FAM107B: variants seen among roughly 807,000 people sequenced by gnomAD.
FAM107B encodes family with sequence similarity 107 member B, also known as protein FAM107B.
In FAM107B, 21 loss-of-function variants were observed where a neutral mutation model predicts 31.5. That is an observed-to-expected ratio of 0.67 (90% CI 0.47 to 0.96). The LOEUF is 0.96. Among genes scored for constraint, FAM107B ranks in the 40% least tolerant of loss-of-function variants. The pLI, the probability that FAM107B is intolerant of heterozygous loss-of-function variation, is 0.00. For missense variants in FAM107B, 452 were observed against 377.1 expected, an observed-to-expected ratio of 1.20 and a Z score of -1.64; for synonymous variants, 157 against 141.5, an observed-to-expected ratio of 1.11 and a Z score of -0.78.
chr10:14,731,315 A>G (rs1856167350), intron 1 of FAM107B, among the ~76,000 whole-genome samples: 1 of 152,204 alleles, frequency 6.6e-6, no homozygotes. Context: ...TAATCCCAGC[A>G]GTATGGGGGG....
intron 2 of FAM107B, among the ~76,000 whole-genome samples, chr10:14,658,175 A>T (rs563135837): frequency 6.6e-6 from 1 of 152,188 alleles, no homozygotes; most frequent in East Asian, 1.9e-4. Flanking sequence ...TGAAATAGAG[A>T]CAAAATGTTG....
chr10:14,734,801 G>C (rs1856260274), intron 1 of FAM107B, among the ~76,000 whole-genome samples: 1 of 152,132 alleles, frequency 6.6e-6, no homozygotes, highest in Non-Finnish European at 1.5e-5. Flanking sequence ...CTGGAGTGCA[G>C]TGGCGCGATC....
chr10:14,729,723 A>G (rs111795910), intron 1 of FAM107B, among the ~76,000 whole-genome samples: 5 of 152,356 alleles, frequency 3.3e-5, no homozygotes, highest in African/African-American at 9.6e-5. Context: ...ATTCTACTAT[A>G]AAGACACATA....
chr10:14,581,276 T>A (rs1230939687), intron 2 of FAM107B, among the ~76,000 whole-genome samples: 1 of 152,104 alleles, frequency 6.6e-6, no homozygotes, highest in Non-Finnish European at 1.5e-5. Flanking sequence ...CTGACAGGGA[T>A]CTGGAGAAAC....
At chr10:14,682,870 C>T (rs964710675) in intron 1 of FAM107B, among the ~76,000 whole-genome samples, 8 of 151,386 alleles carry the variant, frequency 5.3e-5, no homozygotes, top group African/African-American at 9.7e-5. Context: ...TGCACATGTA[C>T]CCCATAACTT....
At chr10:14,606,667 C>G (rs1472836522) in intron 2 of FAM107B, among the ~76,000 whole-genome samples, 1 of 152,030 alleles carries the variant, frequency 6.6e-6, no homozygotes, top group Non-Finnish European at 1.5e-5. Flanking sequence ...GGCAGAGACA[C>G]CAGATCCCTC....
At chr10:14,576,299 C>T (rs1355053066) in intron 2 of FAM107B, among the ~76,000 whole-genome samples, 1 of 152,106 alleles carries the variant, frequency 6.6e-6, no homozygotes, top group African/African-American at 2.4e-5. Flanking sequence ...GAGGCCGAGG[C>T]GGGTGGATCA....
chr10:14,549,552 C>A (rs1428703218), intron 2 of FAM107B, among the ~76,000 whole-genome samples: 1 of 152,194 alleles, frequency 6.6e-6, no homozygotes, highest in Non-Finnish European at 1.5e-5. Flanking sequence ...GTAAACTACA[C>A]TGCCTCTGAA....
chr10:14,541,023 T>G (rs1848137708), intron 2 of FAM107B, among the ~76,000 whole-genome samples: 1 of 152,162 alleles, frequency 6.6e-6, no homozygotes, highest in Non-Finnish European at 1.5e-5. Context: ...TCCCTCGCAG[T>G]CTTCCCTTAA....
intron 1 of FAM107B, among the ~76,000 whole-genome samples, chr10:14,750,849 C>T (rs546770510): frequency 2.0e-5 from 3 of 152,198 alleles, no homozygotes; most frequent in Admixed American, 6.5e-5. Flanking sequence ...CCAAGGGTGG[C>T]TTCTTGGAGA....
At chr10:14,655,459 G>A (rs182139160) in intron 2 of FAM107B, among the ~76,000 whole-genome samples, 9 of 152,184 alleles carry the variant, frequency 5.9e-5, no homozygotes, top group Admixed American at 3.9e-4. Flanking sequence ...TTGCTCTGTC[G>A]CCTAGGCTGG....
At chr10:14,613,116 C>T (rs1852765222) in intron 2 of FAM107B, among the ~76,000 whole-genome samples, 1 of 152,068 alleles carries the variant, frequency 6.6e-6, no homozygotes, top group Non-Finnish European at 1.5e-5. Flanking sequence ...GGATGACAAG[C>T]GTGCACCGCC....
chr10:14,572,007 T>G, intron 2 of FAM107B: 1 of 985,424 alleles, frequency 1.0e-6, no homozygotes, highest in Non-Finnish European at 1.2e-6. Flanking sequence ...ACTGTGGTAG[T>G]TCCTTAGAGC....
chr10:14,650,550 T>G (rs1853872652), intron 2 of FAM107B, among the ~76,000 whole-genome samples: 1 of 152,180 alleles, frequency 6.6e-6, no homozygotes, highest in Non-Finnish European at 1.5e-5. Flanking sequence ...CCTCCCAAAG[T>G]GCTGGGATTA....
At chr10:14,764,025 T>C (rs1410926557) in intron 1 of FAM107B, among the ~76,000 whole-genome samples, 1 of 152,230 alleles carries the variant, frequency 6.6e-6, no homozygotes. Flanking sequence ...ACTTCCCATC[T>C]CTACTGCTGC....
intron 2 of FAM107B, among the ~76,000 whole-genome samples, chr10:14,532,890 A>C (rs780095042): frequency 2.6e-5 from 4 of 152,102 alleles, no homozygotes; most frequent in Non-Finnish European, 5.9e-5. Flanking sequence ...AGCTGGAGGG[A>C]ATGTGACAGA....
At chr10:14,608,698 T>A (rs1037700162) in intron 2 of FAM107B, among the ~76,000 whole-genome samples, 13 of 152,174 alleles carry the variant, frequency 8.5e-5, no homozygotes, top group Admixed American at 8.5e-4. Context: ...AGCTCTAGCG[T>A]TATGGGTCTA....
chr10:14,761,011 CAAAAAAAAAAAAAAA>C (rs565835423), intron 1 of FAM107B, among the ~76,000 whole-genome samples: 1 of 77,628 alleles, frequency 1.3e-5, no homozygotes, highest in Non-Finnish European at 2.7e-5. Flanking sequence ...GACTCCGTTT[CAAAAAAAAAAAAAAA>C]AAAAAAAAAA....
intron 1 of FAM107B, among the ~76,000 whole-genome samples, chr10:14,769,215 C>T (rs952594336): frequency 6.6e-6 from 1 of 152,186 alleles, no homozygotes; most frequent in Admixed American, 6.5e-5. Flanking sequence ...GGCTCAGACG[C>T]TCAGTAACCA....
Sources: gnomAD v4.1 joint callset for allele counts (sites outside exome capture counted in the v4.1 genomes callset) on GRCh38, gnomAD v4.1.1 for gene constraint, MANE v1.5 for transcripts, NCBI Gene and HGNC (gene_info 2026-07-23, HGNC 2026-07-21) for gene names.